Variants in GCN1 observed in about 807,000 individuals in gnomAD.
The protein encoded by GCN1 is stalled ribosome sensor GCN1.
Under a neutral mutation model 288.4 loss-of-function variants are expected in GCN1, and 90 were observed. The ratio of observed to expected loss-of-function variants is 0.31; its 90% confidence interval spans 0.26 to 0.37. The LOEUF is 0.37. Ranked by LOEUF, GCN1 falls within the 10% of genes least tolerant of loss-of-function variation. The pLI is 1.00. For synonymous variants in GCN1, 1,386 were observed against 1,420.2 expected (o/e 0.98, Z 0.54); for missense variants, 2,586 against 3,419.9 (o/e 0.76, Z 6.08).
At chr12:120,172,055 G>A (rs535115592) in intron 14 of GCN1, among the ~76,000 whole-genome samples, 5 of 151,646 alleles carry the variant, frequency 3.3e-5, no homozygotes, top group Admixed American at 1.3e-4. Context: ...TAGAGATGGG[G>A]GTCTCACTTT....
At position 120,153,605 on chromosome 12, in the gene GCN1, C is replaced by G. The variant is rs971642328; in HGVS notation, c.3867+139G>C. The G allele has an allele frequency of 3.1e-5, 29 of 928,624 alleles. No individual in the cohort carries two copies. The highest frequency in any genetic ancestry group is 4.6e-5 in the Non-Finnish European group (28 of 607,030). 57.5% of individuals were successfully genotyped at this position (928,624 alleles called of 1,614,324 possible). On this transcript the variant is annotated intron_variant, in intron 32 of 57. Transcript: ENST00000300648. The surrounding 1 kb of genome is among the most constrained non-coding windows in gnomAD (Gnocchi z 4.4). ...TAACACACTATCATGGTCTTTTTGG[C>G]TCAAAGTGCTCTGCCAGGACTCTTG...
chr12:120,128,804 T>C (rs554938782), intron 57 of GCN1, among the ~76,000 whole-genome samples: 4 of 151,944 alleles, frequency 2.6e-5, no homozygotes, highest in Non-Finnish European at 5.9e-5. Flanking sequence ...CATGGGAATG[T>C]ATGTTTTCAG....
chr12:120,148,460 A>C, intron 36 of GCN1, 114 bp from the exon 37 acceptor site: 2 of 829,424 alleles, frequency 2.4e-6, no homozygotes, highest in Non-Finnish European at 3.7e-6. Context: ...GACGGTGCTC[A>C]AGCAGTCACT....
At chr12:120,169,517 T>C (rs1878250615) in intron 15 of GCN1, among the ~76,000 whole-genome samples, 1 of 152,088 alleles carries the variant, frequency 6.6e-6, no homozygotes, top group Non-Finnish European at 1.5e-5. Flanking sequence ...CTGTTTTTTC[T>C]TTCTTAGACA....
At chr12:120,145,430 G>C in intron 38 of GCN1, 100 bp from the exon 39 acceptor site, 5 of 877,584 alleles carry the variant, frequency 5.7e-6, no homozygotes, top group Non-Finnish European at 8.5e-6. Flanking sequence ...CTGGCAAGGA[G>C]TGCTTGGCAG....
Position 120,147,121 on chromosome 12 carries a change from G to A in GCN1, c.4878C>T (p.Asp1626=), listed in dbSNP as rs1315741722. 12 of 1,610,762 alleles carry A rather than the reference G, an allele frequency of 7.4e-6. No individual in the cohort carries two copies. The highest frequency in any genetic ancestry group is 9.3e-6 in the Non-Finnish European group (11 of 1,177,728). Residue 1626 remains aspartate (D), a synonymous_variant, in exon 38 of 58, where the codon GAC becomes GAT. Coordinates refer to ENST00000300648, the MANE Select transcript of GCN1 (RefSeq NM_006836.2). ...CCATCTTCCGCGTGTCCGTGGAACG[G>A]TCCTGGAAGGCTCTCTGGACAATGG... The part of the protein sequence containing the change: ...IMPIVQRAFQ[D]RSTDTRKMAA...
chr12:120,185,615 T>G (rs1454645993), intron 2 of GCN1, among the ~76,000 whole-genome samples: 1 of 152,170 alleles, frequency 6.6e-6, no homozygotes, highest in Non-Finnish European at 1.5e-5. Flanking sequence ...CGCCTTTTAT[T>G]TTTCAGACGG....
chr12:120,158,694 A>G lies in GCN1; in HGVS notation c.2750-79T>C. 4.1e-6 allele frequency: 5 copies of G among 1,216,418 alleles called. No homozygotes were observed. The highest frequency in any genetic ancestry group is 5.7e-6 in the Non-Finnish European group (5 of 871,520). The allele number at this position is 1,216,418 out of a possible 1,614,324, so 75.4% of individuals were successfully genotyped here. The stretch of plus-strand genomic sequence containing the variant: ...CAGCCCAGGCTAAAACAGGGGACCC[A>G]GTGCCTCATCCTTCTGACTTAAAAA... On this transcript the variant is annotated intron_variant, in intron 24 of 57. Transcript: ENST00000300648. This position sits in a 1 kb window ranked among gnomAD's most constrained non-coding sequence, Gnocchi z 4.3.
rs779491752 is a variant in GCN1 at position 120,144,467 on chromosome 12, G to A, written c.5353-19C>T. The A allele has an allele frequency of 3.7e-6, 6 of 1,606,006 alleles. No individual in the cohort carries two copies. The Admixed American group carries it at 1.0e-4, about 27-fold the overall frequency. On this transcript the variant is annotated intron_variant, in intron 41 of 57. Transcript: ENST00000300648. This position sits in a 1 kb window ranked among gnomAD's most constrained non-coding sequence, Gnocchi z 4.7. ...CAAGAGCCTGGGCACACAGAGGGTGGGTCAGCCAGAGCTGCCACCCCCAGG... is the reference window on the plus strand; with the variant it reads ...CAAGAGCCTGGGCACACAGAGGGTGAGTCAGCCAGAGCTGCCACCCCCAGG...
At chr12:120,173,177 C>T (rs987789162) in intron 14 of GCN1, among the ~76,000 whole-genome samples, 1 of 151,846 alleles carries the variant, frequency 6.6e-6, no homozygotes, top group Non-Finnish European at 1.5e-5. Flanking sequence ...CTGCCTCAGC[C>T]TCCCACGTAG....
intron 46 of GCN1, 129 bp from the exon 47 acceptor site, chr12:120,138,544 G>T: frequency 9.7e-7 from 1 of 1,029,786 alleles, no homozygotes; most frequent in Non-Finnish European, 1.5e-6. Context: ...TGCCGAAGGC[G>T]AAGCACAAAG....
chr12:120,138,692 C>T lies in GCN1; in HGVS notation c.6156+3G>A, dbSNP rs1482236336. 1.2e-6 allele frequency: 2 copies of T among 1,612,578 alleles called. No homozygotes were observed. The highest frequency in any genetic ancestry group is 8.5e-7 in the Non-Finnish European group (1 of 1,178,852). Reference sequence around the variant, plus strand: ...TAGGTAGGTGTGTGGTAGATCCACTCACCAGCTGCTTTAGTAAAAATGGGA... The same window carrying T: ...TAGGTAGGTGTGTGGTAGATCCACTTACCAGCTGCTTTAGTAAAAATGGGA... On this transcript the variant is annotated splice_donor_region_variant and intron_variant, in intron 46 of 57. Transcript: ENST00000300648.
intron 15 of GCN1, among the ~76,000 whole-genome samples, chr12:120,169,233 C>A (rs7295918): frequency 2.1e-5 from 3 of 141,298 alleles, no homozygotes; most frequent in Non-Finnish European, 4.6e-5. Flanking sequence ...GTCGAGATCG[C>A]GCCACTGCAC....
At chr12:120,182,966 C>T (rs1594288860) in intron 5 of GCN1, among the ~76,000 whole-genome samples, 2 of 150,808 alleles carry the variant, frequency 1.3e-5, no homozygotes, top group African/African-American at 4.9e-5. Flanking sequence ...CTCCTCATGA[C>T]CTACACTAAA....
chr12:120,142,171 A>T lies in GCN1; in HGVS notation c.5829+336T>A, dbSNP rs1341720191. On this transcript the variant is annotated intron_variant, in intron 44 of 57. Transcript: ENST00000300648. The surrounding 1 kb of genome is among the most constrained non-coding windows in gnomAD (Gnocchi z 4.9). ...GAAACCCCGTCTCTACTAAAAATATAAAAAAATGGCCAGGTGTGGTGGTGG... is the reference window on the plus strand; with the variant it reads ...GAAACCCCGTCTCTACTAAAAATATTAAAAAATGGCCAGGTGTGGTGGTGG... Among the ~76,000 whole-genome samples the T allele has an allele frequency of 2.0e-5, 3 of 151,926 alleles. No individual in the cohort carries two copies. Among genetic ancestry groups the T allele is most frequent in the African/African-American group, 7.3e-5 (3 of 41,330 alleles).
At chr12:120,152,375 CCA>C (rs921594488) in intron 33 of GCN1, among the ~76,000 whole-genome samples, 7 of 132,058 alleles carry the variant, frequency 5.3e-5, no homozygotes, top group African/African-American at 1.8e-4. Flanking sequence ...AAAATGCAAA[CCA>C]CACACACACG....
In GCN1 at chr12:120,134,104, C is replaced by T. The variant is rs1004287023; in HGVS notation, c.7317+187G>A. 3.9e-5 allele frequency among the ~76,000 whole-genome samples: 6 copies of T among 152,164 alleles called. No individual in the cohort carries two copies. The highest frequency in any genetic ancestry group is 6.5e-5 in the Admixed American group (1 of 15,270). On this transcript the variant is annotated intron_variant, in intron 53 of 57. Coordinates refer to ENST00000300648, the MANE Select transcript of GCN1 (RefSeq NM_006836.2). The surrounding 1 kb of genome is among the most constrained non-coding windows in gnomAD (Gnocchi z 5.0). Reference sequence around the variant, plus strand: ...CAAACGGAAATAACCAATATATCCACAATACCTGCCCCGTTTCCCTTGAAA... The same window carrying T: ...CAAACGGAAATAACCAATATATCCATAATACCTGCCCCGTTTCCCTTGAAA...
rs77876258 is a variant in GCN1, at chr12:120,176,115, T to C, written c.913+28A>G. 893 of 1,533,078 alleles carry C rather than the reference T, an allele frequency of 5.8e-4. 5 individuals carry two copies. In the African/African-American group the frequency reaches 0.011, roughly 18 times the overall value. 95.0% of individuals were successfully genotyped at this position (1,533,078 alleles called of 1,614,324 possible). A position where few individuals can be genotyped will look rare whatever the true frequency, so the allele number is the denominator to read the frequency against. ...ACAACCAAACCCAAGGTGACACTTA[T>C]GGGCTGGAGAGGGGCTGGGATACTC... is the stretch of plus-strand genomic sequence containing the variant. On this transcript the variant is annotated intron_variant, in intron 10 of 57. Coordinates refer to ENST00000300648, the MANE Select transcript of GCN1 (RefSeq NM_006836.2).
intron 44 of GCN1, among the ~76,000 whole-genome samples, chr12:120,141,342 T>C (rs777557358): frequency 6.6e-6 from 1 of 152,144 alleles, no homozygotes; most frequent in Non-Finnish European, 1.5e-5. Context: ...GCCTTAACAC[T>C]GTGCTATGGC....
Sources: allele counts gnomAD v4.1 joint callset (sites outside exome capture counted in the v4.1 genomes callset), GRCh38; gene constraint gnomAD v4.1.1; non-coding constraint Gnocchi (gnomAD v3.1); transcripts MANE v1.5; gene names NCBI Gene and HGNC (gene_info 2026-07-23, HGNC 2026-07-21).